The following GPR39 variants were observed in gnomAD, a reference collection of about 807,000 sequenced individuals.
The protein encoded by GPR39 is G protein-coupled receptor 39.
Under a neutral mutation model 18.4 loss-of-function variants are expected in GPR39, and 23 were observed. The observed-to-expected ratio is 1.25, with a 90% CI of 0.90 to 1.77. GPR39 has a LOEUF of 1.77. GPR39 is among the 40% of genes most tolerant of loss of function. GPR39 has a pLI of 0.00. For missense variants in GPR39, 647 were observed against 602.4 expected (o/e 1.07, Z -0.78); for synonymous variants, 280 against 257.9 (o/e 1.09, Z -0.82).
Position 132,417,070 on chromosome 2 carries a change from G to T in GPR39, c.28G>T (p.Asp10Tyr), listed in dbSNP as rs1225022334. ...GGCTTCACCCAGCCTCCCGGGCAGT[G>T]ACTGCTCCCAAATCATTGATCACAG... MASPSLPGS[D>Y]CSQIIDHSHV... The change falls in exon 1 of 2, where the codon GAC (aspartate) becomes TAC (tyrosine). Residue 10 changes from aspartate (D) to tyrosine (Y), a missense_variant. Asp to Tyr is a radical substitution (Grantham distance 160, BLOSUM62 -3). Around this residue, in one of 3 missense-constraint regions of GPR39, gnomAD observed 61 missense variants for 79.2 expected, o/e 0.77. Coordinates refer to ENST00000329321, the MANE Select transcript of GPR39 (RefSeq NM_001508.3). 3 of 1,613,940 alleles carry T rather than the reference G, an allele frequency of 1.9e-6. No individual in the cohort carries two copies. Among genetic ancestry groups the T allele is most frequent in the African/African-American group, 1.3e-5 (1 of 74,914 alleles).
chr2:132,460,558 G>A (rs913193072), intron 1 of GPR39, among the ~76,000 whole-genome samples: 2 of 152,108 alleles, frequency 1.3e-5, no homozygotes, highest in African/African-American at 4.8e-5. Context: ...AACCATAGCA[G>A]CCTCCTTGAC....
intron 1 of GPR39, among the ~76,000 whole-genome samples, chr2:132,486,935 T>C (rs561261083): frequency 1.7e-4 from 26 of 152,378 alleles, no homozygotes; most frequent in Non-Finnish European, 2.6e-4. Flanking sequence ...GACAAGCCTT[T>C]CTTACTAAGC....
intron 1 of GPR39, among the ~76,000 whole-genome samples, chr2:132,480,136 G>T (rs1174060007): frequency 1.3e-5 from 2 of 152,204 alleles, no homozygotes; most frequent in African/African-American, 4.8e-5. Context: ...AAGGCATTAT[G>T]CTAAGTGAAA....
chr2:132,423,262 C>T (rs1193285779), intron 1 of GPR39, among the ~76,000 whole-genome samples: 1 of 152,062 alleles, frequency 6.6e-6, no homozygotes, highest in Non-Finnish European at 1.5e-5. Flanking sequence ...TAGCTGTCTT[C>T]TCATTGTGTC....
chr2:132,626,850 A>T (rs1681553261), intron 1 of GPR39, among the ~76,000 whole-genome samples: 1 of 152,240 alleles, frequency 6.6e-6, no homozygotes, highest in Admixed American at 6.5e-5. Flanking sequence ...GGCTTAAGAA[A>T]AAAGAATGTA....
chr2:132,589,104 G>A (rs955409006), intron 1 of GPR39, among the ~76,000 whole-genome samples: 1 of 152,144 alleles, frequency 6.6e-6, no homozygotes, highest in Non-Finnish European at 1.5e-5. Flanking sequence ...AGACAAATGG[G>A]CTGACTGAGA....
intron 1 of GPR39, among the ~76,000 whole-genome samples, chr2:132,434,310 G>A (rs549587261): frequency 1.3e-5 from 2 of 152,314 alleles, no homozygotes; most frequent in Admixed American, 1.3e-4. Context: ...CCTGAGTCTT[G>A]AAGGGAAAAG....
At chr2:132,519,670 G>A (rs571050744) in intron 1 of GPR39, among the ~76,000 whole-genome samples, 1 of 152,252 alleles carries the variant, frequency 6.6e-6, no homozygotes, top group South Asian at 2.1e-4. Flanking sequence ...GGGAGTACAT[G>A]AGGAAGAACA....
chr2:132,477,973 C>A (rs1340683054), intron 1 of GPR39, among the ~76,000 whole-genome samples: 1 of 152,184 alleles, frequency 6.6e-6, no homozygotes, highest in South Asian at 2.1e-4. Context: ...AATTTAAAAT[C>A]AATACCATAA....
chr2:132,634,591 C>T (rs1350105648), intron 1 of GPR39, among the ~76,000 whole-genome samples: 1 of 152,190 alleles, frequency 6.6e-6, no homozygotes, highest in East Asian at 1.9e-4. Flanking sequence ...CCTGAGGCCA[C>T]ACAGCATAGA....
intron 1 of GPR39, among the ~76,000 whole-genome samples, chr2:132,459,212 T>A (rs915651540): frequency 6.6e-6 from 1 of 151,716 alleles, no homozygotes; most frequent in African/African-American, 2.4e-5. Flanking sequence ...CAGGTAGAAT[T>A]TGTGTTTGTG....
chr2:132,591,772 A>T (rs928850905), intron 1 of GPR39, among the ~76,000 whole-genome samples: 1 of 152,190 alleles, frequency 6.6e-6, no homozygotes, highest in African/African-American at 2.4e-5. Flanking sequence ...AGGAAAGGAC[A>T]TGTTGGTAGT....
chr2:132,427,441 G>A (rs900332044), intron 1 of GPR39, among the ~76,000 whole-genome samples: 8 of 150,376 alleles, frequency 5.3e-5, no homozygotes, highest in Non-Finnish European at 1.2e-4. Flanking sequence ...GATTACAGGC[G>A]TGAGCCACTG....
intron 1 of GPR39, among the ~76,000 whole-genome samples, chr2:132,563,652 T>G (rs1680295280): frequency 6.6e-6 from 1 of 152,224 alleles, no homozygotes; most frequent in Non-Finnish European, 1.5e-5. Flanking sequence ...TTCTCAACCC[T>G]GGCTGCTTGT....
At chr2:132,601,939 C>T (rs1004554159) in intron 1 of GPR39, among the ~76,000 whole-genome samples, 3 of 151,810 alleles carry the variant, frequency 2.0e-5, no homozygotes, top group Non-Finnish European at 4.4e-5. Flanking sequence ...AACCCATGCT[C>T]ATGGATTAAA....
intron 1 of GPR39, among the ~76,000 whole-genome samples, chr2:132,545,731 A>G (rs1229906090): frequency 6.6e-6 from 1 of 151,996 alleles, no homozygotes; most frequent in African/African-American, 2.4e-5. Context: ...CAATGCACCA[A>G]AGAATCAACT....
chr2:132,574,796 T>G (rs1680501928), intron 1 of GPR39, among the ~76,000 whole-genome samples: 1 of 152,234 alleles, frequency 6.6e-6, no homozygotes, highest in African/African-American at 2.4e-5. Context: ...GTTATTTGTA[T>G]TTAAAACTTT....
intron 1 of GPR39, among the ~76,000 whole-genome samples, chr2:132,521,607 T>C (rs1397559293): frequency 1.3e-5 from 2 of 152,174 alleles, no homozygotes; most frequent in Non-Finnish European, 2.9e-5. Context: ...GAAGCATCTC[T>C]CAAAGAGGTA....
chr2:132,510,426 C>G (rs753252432), intron 1 of GPR39, among the ~76,000 whole-genome samples: 2 of 152,030 alleles, frequency 1.3e-5, no homozygotes, highest in Non-Finnish European at 2.9e-5. Context: ...CAGAAAGCAG[C>G]CTGCCCTCAG....
Sources: allele counts gnomAD v4.1 joint callset (sites outside exome capture counted in the v4.1 genomes callset), GRCh38; gene constraint gnomAD v4.1.1; regional missense constraint gnomAD v4.1.1; transcripts MANE v1.5; gene names NCBI Gene and HGNC (gene_info 2026-07-23, HGNC 2026-07-21).